RALGAPA1: variants seen among roughly 807,000 people sequenced by gnomAD.
The protein encoded by RALGAPA1 is Ral GTPase activating protein catalytic subunit alpha 1.
A neutral mutation model predicts 269.6 loss-of-function variants in RALGAPA1; 52 were observed. The observed-to-expected ratio is 0.19, with a 90% CI of 0.15 to 0.24. The LOEUF (loss-of-function observed/expected upper bound fraction) is 0.24, where lower values mean the gene tolerates loss of function less well. RALGAPA1 is among the 10% of genes least tolerant of loss of function. RALGAPA1 has a pLI of 1.00. For synonymous variants in RALGAPA1, 817 were observed against 1,008.3 expected (o/e 0.81, Z 3.60); for missense variants, 1,917 against 3,013.9 (o/e 0.64, Z 8.52).
At chr14:35,784,065 C>T (rs146131265) in intron 1 of RALGAPA1, among the ~76,000 whole-genome samples, 5 of 151,698 alleles carry the variant, frequency 3.3e-5, no homozygotes, top group African/African-American at 1.2e-4. Context: ...TAGAACATTA[C>T]ATACCCAAGA....
At chr14:35,748,880 T>C (rs925497436) in intron 9 of RALGAPA1, 56 bp from the exon 10 acceptor site, 10 of 1,505,740 alleles carry the variant, frequency 6.6e-6, no homozygotes, top group African/African-American at 2.8e-5. Context: ...CATTTAACTA[T>C]GTATTTTGTC....
intron 10 of RALGAPA1, among the ~76,000 whole-genome samples, chr14:35,743,139 CCA>C (rs1441286626): frequency 6.6e-6 from 1 of 151,972 alleles, no homozygotes; most frequent in East Asian, 1.9e-4. Context: ...CATGCAAACT[CCA>C]CACAGACAGT....
intron 18 of RALGAPA1, among the ~76,000 whole-genome samples, chr14:35,686,955 T>C (rs1354445156): frequency 6.6e-6 from 1 of 152,190 alleles, no homozygotes; most frequent in African/African-American, 2.4e-5. Flanking sequence ...AAGAAACTGG[T>C]ATATTTATCT....
At chr14:35,581,204 T>C (rs1345962940) in intron 37 of RALGAPA1, among the ~76,000 whole-genome samples, 1 of 151,382 alleles carries the variant, frequency 6.6e-6, no homozygotes, top group Non-Finnish European at 1.5e-5. Flanking sequence ...AAAGTGATAC[T>C]AAAATAAAAC....
chr14:35,731,029 G>A (rs1302882927), intron 12 of RALGAPA1, among the ~76,000 whole-genome samples: 5 of 152,178 alleles, frequency 3.3e-5, no homozygotes, highest in South Asian at 4.1e-4. Flanking sequence ...ATCCATGGCC[G>A]AGACAACCAC....
chr14:35,659,661 C>T (rs924110350), intron 27 of RALGAPA1, among the ~76,000 whole-genome samples: 1 of 151,432 alleles, frequency 6.6e-6, no homozygotes, highest in African/African-American at 2.4e-5. Context: ...CAGACAAAGG[C>T]ATTACCAGAA....
At chr14:35,794,698 C>T (rs1270492092) in intron 1 of RALGAPA1, among the ~76,000 whole-genome samples, 3 of 152,150 alleles carry the variant, frequency 2.0e-5, no homozygotes, top group African/African-American at 4.8e-5. Flanking sequence ...CCTCGTGATC[C>T]GCCCACCTCG....
At chr14:35,646,306 A>G (rs1477960459) in intron 31 of RALGAPA1, among the ~76,000 whole-genome samples, 2 of 152,212 alleles carry the variant, frequency 1.3e-5, no homozygotes, top group Non-Finnish European at 2.9e-5. Flanking sequence ...AAAGGATTAA[A>G]CAGTAGCTTT....
intron 20 of RALGAPA1, 26 bp from the exon 21 acceptor site, chr14:35,684,011 A>G: frequency 1.3e-6 from 2 of 1,572,112 alleles, no homozygotes; most frequent in Admixed American, 1.8e-5. Flanking sequence ...ATGTTATTAT[A>G]TGAGTCCCAA....
intron 28 of RALGAPA1, among the ~76,000 whole-genome samples, chr14:35,657,253 A>T (rs1187775774): frequency 6.7e-6 from 1 of 149,972 alleles, no homozygotes; most frequent in Admixed American, 6.7e-5. Flanking sequence ...CAGTGGCGCG[A>T]TCTCGGCTCA....
chr14:35,671,374 C>A lies in RALGAPA1; in HGVS notation c.5202+15G>T. ...CTAAAGTTTGTTATATGATAAGGAA[C>A]AGGAAATGACTTACATTGAGAAAAG... On this transcript the variant is annotated intron_variant, in intron 26 of 41. Coordinates refer to ENST00000680220, the MANE Select transcript of RALGAPA1 (RefSeq NM_001346249.2). 1.3e-6 allele frequency: 2 copies of A among 1,595,086 alleles called. No homozygotes were observed. The highest frequency in any genetic ancestry group is 1.7e-6 in the Non-Finnish European group (2 of 1,170,396).
At chr14:35,805,924 G>A (rs527405520) in intron 1 of RALGAPA1, among the ~76,000 whole-genome samples, 20 of 151,998 alleles carry the variant, frequency 1.3e-4, no homozygotes, top group African/African-American at 4.8e-4. Flanking sequence ...TCCTGACCTC[G>A]TGATCCGCCC....
rs140365140 is a variant in RALGAPA1 at position 35,586,526 on chromosome 14, C to G, written c.7209+9108G>C. On this transcript the variant is annotated intron_variant, in intron 37 of 41. Transcript: ENST00000680220. The stretch of plus-strand genomic sequence containing the variant: ...TGAGAGAGGGCATCCTTGTCTTGTA[C>G]CAGTTTTCAAAGGGAATACTTCCAG... Among the ~76,000 whole-genome samples the G allele has an allele frequency of 9.2e-3, 1,394 of 152,272 alleles. 8 individuals are homozygous for G. Among genetic ancestry groups the G allele is most frequent in the Non-Finnish European group, 0.015 (1,032 of 68,024 alleles).
chr14:35,566,069 T>G (rs1183316621), intron 39 of RALGAPA1, among the ~76,000 whole-genome samples: 1 of 152,096 alleles, frequency 6.6e-6, no homozygotes, highest in African/African-American at 2.4e-5. Context: ...CTCCACAGTG[T>G]TGCATTTCAA....
At chr14:35,709,671 T>C (rs1489299080) in intron 16 of RALGAPA1, among the ~76,000 whole-genome samples, 1 of 152,148 alleles carries the variant, frequency 6.6e-6, no homozygotes, top group Non-Finnish European at 1.5e-5. Flanking sequence ...CTTTCTTCTT[T>C]AGTAATATAT....
At chr14:35,699,753 C>T (rs890785425) in intron 17 of RALGAPA1, among the ~76,000 whole-genome samples, 5 of 151,892 alleles carry the variant, frequency 3.3e-5, no homozygotes, top group South Asian at 2.1e-4. Flanking sequence ...TCAAGATTTA[C>T]GATATTATTA....
At chr14:35,704,721 G>C (rs1238265859) in intron 16 of RALGAPA1, among the ~76,000 whole-genome samples, 1 of 152,004 alleles carries the variant, frequency 6.6e-6, no homozygotes, top group Non-Finnish European at 1.5e-5. Context: ...AAGTTAGTCA[G>C]AAAAAGTTAA....
chr14:35,769,020 AAAAAAAAAAAAAAAAATATATATATAT>A (rs1567192495), intron 4 of RALGAPA1, among the ~76,000 whole-genome samples: 3 of 96,180 alleles, frequency 3.1e-5, no homozygotes, highest in Admixed American at 1.1e-4. Flanking sequence ...AAAAAAAAAA[AAAAAAAAAAAAAAAAATATATATATAT>A]ATATATATAT....
At chr14:35,648,487 A>C (rs971998270) in intron 31 of RALGAPA1, among the ~76,000 whole-genome samples, 10 of 151,030 alleles carry the variant, frequency 6.6e-5, no homozygotes, top group Admixed American at 2.0e-4. Flanking sequence ...AAAGAAGAAG[A>C]AGAGTGAATG....
Sources: gnomAD v4.1 joint callset for allele counts (sites outside exome capture counted in the v4.1 genomes callset) on GRCh38, gnomAD v4.1.1 for gene constraint, MANE v1.5 for transcripts, NCBI Gene and HGNC (gene_info 2026-07-23, HGNC 2026-07-21) for gene names.